The following CNTNAP3B variants were observed in gnomAD, a reference collection of about 807,000 sequenced individuals.
CNTNAP3B encodes contactin associated protein family member 3B, also known as contactin-associated protein-like 3B.
In CNTNAP3B, 25 loss-of-function variants were observed where a neutral mutation model predicts 108.9. The observed-to-expected ratio is 0.23, with a 90% CI of 0.17 to 0.32. The LOEUF is 0.32. Among genes scored for constraint, CNTNAP3B ranks in the 10% least tolerant of loss-of-function variants. The pLI is 1.00. For synonymous variants in CNTNAP3B, 103 were observed against 473.4 expected (o/e 0.22, Z 10.16); for missense variants, 252 against 1,210.4 (o/e 0.21, Z 11.75).
Position 42,124,795 on chromosome 9 carries a change from T to A in CNTNAP3B, c.85+4215A>T, listed in dbSNP as rs1169735225. ...GAGAACAATCCCAGTGCCAATTACA[T>A]CTTTGTCATTCAGAAATCCAGGCTA... On this transcript the variant is annotated intron_variant, in intron 1 of 23. Coordinates refer to ENST00000377561, the MANE Select transcript of CNTNAP3B (RefSeq NM_001201380.3). 3.8e-5 allele frequency among the ~76,000 whole-genome samples: 5 copies of A among 131,132 alleles called. No individual in the cohort carries two copies. The South Asian group carries it at 1.3e-3, about 33-fold the overall frequency. The allele number at this position is 131,132 out of a possible 152,430, so 86.0% of individuals were successfully genotyped here.
chr9:41,933,094 C>T (rs1204892215), intron 14 of CNTNAP3B, among the ~76,000 whole-genome samples: 1 of 152,250 alleles, frequency 6.6e-6, no homozygotes, highest in African/African-American at 2.4e-5. Flanking sequence ...CTGCAATCCA[C>T]ACAAGTAAAA....
chr9:42,030,810 A>AT (rs1826508570), intron 3 of CNTNAP3B, among the ~76,000 whole-genome samples: 21 of 79,744 alleles, frequency 2.6e-4, no homozygotes, highest in East Asian at 1.6e-3. Context: ...AGAGAGAGAG[A>AT]GAGGAGAGAG....
At position 42,126,624 on chromosome 9, in the gene CNTNAP3B, C is replaced by T. The variant is rs1282577239; in HGVS notation, c.85+2386G>A. ...TGCTCTTGTTGCCCAGGCTGGAGTG[C>T]TATGGTGGGATCTCGGCTCACTGCA... On this transcript the variant is annotated intron_variant, in intron 1 of 23. Transcript: ENST00000377561. Among the ~76,000 whole-genome samples the T allele has an allele frequency of 4.4e-3, 597 of 135,636 alleles. 114 individuals are homozygous for T. The highest frequency in any genetic ancestry group is 0.016 in the African/African-American group (553 of 33,624). 89.0% of individuals were successfully genotyped at this position (135,636 alleles called of 152,430 possible). A position where few individuals can be genotyped will look rare whatever the true frequency, so the allele number is the denominator to read the frequency against.
At chr9:42,028,684 A>C (rs564865551) in intron 3 of CNTNAP3B, among the ~76,000 whole-genome samples, 11 of 150,134 alleles carry the variant, frequency 7.3e-5, no homozygotes, top group African/African-American at 2.5e-4. Flanking sequence ...TCATCAAATT[A>C]GAATTTTTAA....
intron 18 of CNTNAP3B, among the ~76,000 whole-genome samples, chr9:41,913,234 AC>A: frequency 7.6e-6 from 1 of 132,422 alleles, no homozygotes; most frequent in Non-Finnish European, 1.6e-5. Context: ...CAACTAAATT[AC>A]CCCTTTCAAT....
At chr9:42,087,544 T>A (rs1748865129) in intron 2 of CNTNAP3B, among the ~76,000 whole-genome samples, 1 of 144,238 alleles carries the variant, frequency 6.9e-6, no homozygotes, top group African/African-American at 2.6e-5. Flanking sequence ...GCATTGCCCC[T>A]GTGGGCCTCA....
At chr9:41,926,629 G>GA (rs1823827981) in intron 15 of CNTNAP3B, 1 of 152,304 alleles carries the variant, frequency 6.6e-6, no homozygotes, top group Admixed American at 6.5e-5. Context: ...CTAATTTTTA[G>GA]TTTTTTTGTA....
Position 42,055,239 on chromosome 9 carries a change from A to T in CNTNAP3B, c.390+21630T>A, listed in dbSNP as rs1244340510. 1.1e-4 allele frequency among the ~76,000 whole-genome samples: 15 copies of T among 138,464 alleles called. 2 individuals carry two copies. Among genetic ancestry groups the T allele is most frequent in the African/African-American group, 4.3e-4 (15 of 35,164 alleles). The allele number at this position is 138,464 out of a possible 152,430, so 90.8% of individuals were successfully genotyped here. A position where few individuals can be genotyped will look rare whatever the true frequency, so the allele number is the denominator to read the frequency against. On this transcript the variant is annotated intron_variant, in intron 3 of 23. Coordinates refer to ENST00000377561, the MANE Select transcript of CNTNAP3B (RefSeq NM_001201380.3). The stretch of plus-strand genomic sequence containing the variant: ...CATTCCCATTACCCAGAGGGAAAAA[A>T]TGCTATGATTTTTCTTATATGTCCT...
In CNTNAP3B at chr9:41,997,703, G is replaced by A. The variant is rs778928039; in HGVS notation, c.792C>T (p.Gly264=). The change falls in exon 6 of 24, where the codon GGC becomes GGT. Residue 264 remains glycine, a synonymous_variant. Coordinates refer to ENST00000377561, the MANE Select transcript of CNTNAP3B (RefSeq NM_001201380.3). ...GCCAGTGCTGGTCATCCAGCAGGCT[G>A]CCCAGGGTGAGGGTCACAGGAGCAA... ...STIAPVTLTL[G]SLLDDQHWHS... 6 of 1,597,166 alleles carry A rather than the reference G, an allele frequency of 3.8e-6. No homozygotes were observed. In the East Asian group the frequency reaches 1.1e-4, roughly 30 times the overall value.
intron 13 of CNTNAP3B, among the ~76,000 whole-genome samples, chr9:41,939,248 C>A (rs1216139307): frequency 6.6e-6 from 1 of 152,282 alleles, no homozygotes; most frequent in Non-Finnish European, 1.5e-5. Context: ...TCAGAGGCCA[C>A]AAGTTGCAGT....
intron 1 of CNTNAP3B, among the ~76,000 whole-genome samples, chr9:42,123,251 CA>C (rs1828501857): frequency 2.2e-5 from 1 of 44,546 alleles, no homozygotes; most frequent in South Asian, 8.3e-4. Flanking sequence ...CAAATAAACA[CA>C]TACTTATAGA....
intron 4 of CNTNAP3B, among the ~76,000 whole-genome samples, chr9:42,003,950 C>G (rs1260176777): frequency 7.0e-6 from 1 of 142,192 alleles, no homozygotes; most frequent in Non-Finnish European, 1.5e-5. Flanking sequence ...GAGAGAGACT[C>G]CCTCTCAAAA....
chr9:41,953,201 G>C lies in CNTNAP3B; in HGVS notation c.2062C>G (p.Arg688Gly). 3.3e-6 allele frequency: 5 copies of C among 1,525,422 alleles called. No homozygotes were observed. The highest frequency in any genetic ancestry group is 1.4e-5 in the African/African-American group (1 of 70,734). 94.5% of individuals were successfully genotyped at this position (1,525,422 alleles called of 1,614,324 possible). A position where few individuals can be genotyped will look rare whatever the true frequency, so the allele number is the denominator to read the frequency against. ...QRLALRCGTA[R>G]RPDSRDGTPL... ...CGCTTACCTCGTGAGTCCGGGCGCC[G>C]CGCTGTCCCGCAGCGCAGAGCCAGC... Residue 688 changes from arginine (R) to glycine (G), a missense_variant, in exon 13 of 24, where the codon CGG becomes GGG. Physicochemically the swap from Arg to Gly is moderately radical, Grantham distance 125. Coordinates refer to ENST00000377561, the MANE Select transcript of CNTNAP3B (RefSeq NM_001201380.3).
At chr9:42,003,005 G>A (rs1487577905) in intron 4 of CNTNAP3B, among the ~76,000 whole-genome samples, 1 of 118,198 alleles carries the variant, frequency 8.5e-6, no homozygotes, top group Non-Finnish European at 1.7e-5. Flanking sequence ...TCCAGCCTCA[G>A]CCTCCCAAGT....
At chr9:41,980,488 T>TGCATG (rs1228636010) in intron 9 of CNTNAP3B, 4 of 106,616 alleles carry the variant, frequency 3.8e-5, no homozygotes, top group African/African-American at 1.7e-4. Flanking sequence ...TGGAGCCCAC[T>TGCATG]GCATGAATCA....
chr9:42,086,095 A>C, intron 2 of CNTNAP3B, among the ~76,000 whole-genome samples: 1 of 140,298 alleles, frequency 7.1e-6, no homozygotes, highest in East Asian at 2.2e-4. Context: ...GTGGCTGAGG[A>C]GGCCTCACAA....
At chr9:42,110,413 T>A (rs1828172591) in intron 1 of CNTNAP3B, among the ~76,000 whole-genome samples, 1 of 135,932 alleles carries the variant, frequency 7.4e-6, no homozygotes, top group Non-Finnish European at 1.6e-5. Flanking sequence ...GAACTGCTAA[T>A]ATGAGGGGAC....
intron 3 of CNTNAP3B, among the ~76,000 whole-genome samples, chr9:42,066,218 G>A (rs1416427543): frequency 7.3e-6 from 1 of 136,724 alleles, no homozygotes; most frequent in Admixed American, 7.3e-5. Context: ...ATACCTCATA[G>A]TAATGTTTTA....
intron 10 of CNTNAP3B, among the ~76,000 whole-genome samples, chr9:41,965,288 T>C (rs1212382791): frequency 5.3e-5 from 8 of 152,214 alleles, no homozygotes; most frequent in African/African-American, 1.4e-4. Context: ...ACAGGGAACC[T>C]CAAGGGACCC....
Sources: allele counts gnomAD v4.1 joint callset (sites outside exome capture counted in the v4.1 genomes callset), GRCh38; gene constraint gnomAD v4.1.1; transcripts MANE v1.5; gene names NCBI Gene and HGNC (gene_info 2026-07-23, HGNC 2026-07-21).